Variants in BBS9 observed in about 807,000 individuals in gnomAD.
BBS9 encodes protein PTHB1.
Under a neutral mutation model 117.7 loss-of-function variants are expected in BBS9, and 89 were observed. That is an observed-to-expected ratio of 0.76 (90% CI 0.64 to 0.90). The LOEUF is 0.90. BBS9 is among the 40% of genes least tolerant of loss of function. The probability of loss-of-function intolerance (pLI) is 0.00; values close to 1 mark genes in which losing one functional copy is unlikely to be tolerated. For missense variants in BBS9, 982 were observed against 1,042.2 expected (o/e 0.94, Z 0.80); for synonymous variants, 379 against 370.9 (o/e 1.02, Z -0.25).
intron 21 of BBS9, among the ~76,000 whole-genome samples, chr7:33,633,927 C>T (rs994954420): frequency 6.6e-6 from 1 of 152,186 alleles, no homozygotes; most frequent in Non-Finnish European, 1.5e-5. Context: ...TCTTCCCCTA[C>T]TCATGAAAAC....
chr7:33,453,418 C>T (rs1244124722), intron 19 of BBS9, among the ~76,000 whole-genome samples: 2 of 152,146 alleles, frequency 1.3e-5, no homozygotes, highest in East Asian at 1.9e-4. Flanking sequence ...AAACCAGCTC[C>T]TCTTCCTCCT....
chr7:33,574,741 A>T (rs1462733988), intron 21 of BBS9, among the ~76,000 whole-genome samples: 1 of 151,082 alleles, frequency 6.6e-6, no homozygotes, highest in Non-Finnish European at 1.5e-5. Flanking sequence ...ACACACACAC[A>T]CTTTCACTAT....
intron 19 of BBS9, among the ~76,000 whole-genome samples, chr7:33,406,272 A>G (rs536598884): frequency 1.1e-3 from 170 of 152,206 alleles, no homozygotes; most frequent in Non-Finnish European, 2.0e-3. Context: ...GTATGTGGTC[A>G]ATTTTGGAAC....
At chr7:33,343,358 GTATTA>G (rs554706384) in intron 11 of BBS9, among the ~76,000 whole-genome samples, 9 of 152,100 alleles carry the variant, frequency 5.9e-5, no homozygotes, top group Non-Finnish European at 1.3e-4. Flanking sequence ...AGTGTTTTAT[GTATTA>G]TATTATACTA....
intron 15 of BBS9, among the ~76,000 whole-genome samples, chr7:33,356,167 T>C (rs1819583680): frequency 6.6e-6 from 1 of 151,880 alleles, no homozygotes; most frequent in African/African-American, 2.4e-5. Context: ...TATTAATTGA[T>C]ACAATCTGAA....
intron 19 of BBS9, among the ~76,000 whole-genome samples, chr7:33,440,961 A>G (rs1420814838): frequency 1.3e-5 from 2 of 152,340 alleles, no homozygotes; most frequent in South Asian, 2.1e-4. Context: ...GAAATATTCC[A>G]TATTTTTAGT....
intron 21 of BBS9, among the ~76,000 whole-genome samples, chr7:33,628,102 A>C (rs1268733085): frequency 2.0e-5 from 3 of 152,228 alleles, no homozygotes; most frequent in African/African-American, 7.2e-5. Context: ...TAATGAAGAC[A>C]TATCAATCCT....
At chr7:33,216,697 T>C (rs1789131886) in intron 5 of BBS9, among the ~76,000 whole-genome samples, 1 of 152,208 alleles carries the variant, frequency 6.6e-6, no homozygotes, top group African/African-American at 2.4e-5. Flanking sequence ...CTGTAAATAC[T>C]TGTGTTTTCT....
intron 5 of BBS9, among the ~76,000 whole-genome samples, chr7:33,205,615 C>T (rs1429537805): frequency 6.6e-6 from 1 of 152,046 alleles, no homozygotes; most frequent in Non-Finnish European, 1.5e-5. Context: ...TTTTTTTCTT[C>T]TGTTCATTGG....
chr7:33,581,082 G>C (rs996879581), intron 21 of BBS9, among the ~76,000 whole-genome samples: 2 of 139,944 alleles, frequency 1.4e-5, no homozygotes, highest in African/African-American at 2.9e-5. Flanking sequence ...ATTTTTGTGT[G>C]TGTGTGTGTG....
At chr7:33,500,454 A>T (rs1845288734) in intron 19 of BBS9, among the ~76,000 whole-genome samples, 1 of 152,240 alleles carries the variant, frequency 6.6e-6, no homozygotes, top group Admixed American at 6.5e-5. Context: ...TCATGACCAC[A>T]GGCAGTGTGT....
At chr7:33,206,339 G>A (rs1452380927) in intron 5 of BBS9, among the ~76,000 whole-genome samples, 1 of 152,098 alleles carries the variant, frequency 6.6e-6, no homozygotes, top group African/African-American at 2.4e-5. Flanking sequence ...TGTATTTTGG[G>A]ATATCTTTGT....
At chr7:33,314,525 A>T (rs756783338) in intron 9 of BBS9, 1 of 180,174 alleles carries the variant, frequency 5.6e-6, no homozygotes, top group African/African-American at 2.4e-5. Context: ...GTTGACTTCA[A>T]GGGTTCCATT....
intron 19 of BBS9, among the ~76,000 whole-genome samples, chr7:33,450,315 A>G (rs1043239884): frequency 2.6e-5 from 4 of 152,230 alleles, no homozygotes; most frequent in Admixed American, 2.0e-4. Flanking sequence ...GGCAATTGCG[A>G]ATAATGCCGC....
intron 20 of BBS9, among the ~76,000 whole-genome samples, chr7:33,509,598 G>A (rs1253724798): frequency 1.3e-5 from 2 of 152,202 alleles, no homozygotes; most frequent in Non-Finnish European, 2.9e-5. Context: ...ATTTTCAGAA[G>A]AGCCTCTCAG....
intron 5 of BBS9, among the ~76,000 whole-genome samples, chr7:33,241,564 G>C (rs1278682967): frequency 1.3e-5 from 2 of 152,028 alleles, no homozygotes; most frequent in Non-Finnish European, 2.9e-5. Context: ...ATATAAGTTA[G>C]ACAATCTTAT....
chr7:33,475,000 T>C (rs539408132), intron 19 of BBS9, among the ~76,000 whole-genome samples: 52 of 152,288 alleles, frequency 3.4e-4, no homozygotes, highest in Admixed American at 3.0e-3. Context: ...TCCAGCAACA[T>C]TTGTCTTCCA....
In BBS9 at chr7:33,304,217, G is replaced by T. The variant is rs533968402; in HGVS notation, c.1016+30261G>T. On this transcript the variant is annotated intron_variant, in intron 9 of 22. Coordinates refer to ENST00000242067, the MANE Select transcript of BBS9 (RefSeq NM_198428.3). ...GGCTGCCCATCATCTGGGATGTGAG[G>T]AGCGCCTCTGCCCGGCCACCCCATC... 5.4e-5 allele frequency among the ~76,000 whole-genome samples: 8 copies of T among 147,992 alleles called. No homozygotes were observed. The East Asian group carries it at 1.6e-3, about 30-fold the overall frequency.
intron 5 of BBS9, among the ~76,000 whole-genome samples, chr7:33,235,484 GCTGTTGA>G (rs1793306741): frequency 6.6e-6 from 1 of 152,144 alleles, no homozygotes; most frequent in South Asian, 2.1e-4. Context: ...ATTAAAAAAA[GCTGTTGA>G]CTGCCCATTG....
Sources: gnomAD v4.1 joint callset for allele counts (sites outside exome capture counted in the v4.1 genomes callset) on GRCh38, gnomAD v4.1.1 for gene constraint, MANE v1.5 for transcripts, NCBI Gene and HGNC (gene_info 2026-07-23, HGNC 2026-07-21) for gene names.